Variants in TRPM6 observed in about 807,000 individuals in gnomAD.
TRPM6 encodes transient receptor potential cation channel subfamily M member 6.
TRPM6 carries 111 observed loss-of-function variants against 247.6 expected under a neutral mutation model. That is an observed-to-expected ratio of 0.45 (90% CI 0.38 to 0.52). The LOEUF is 0.52. TRPM6 is among the 20% of genes least tolerant of loss of function. The probability of loss-of-function intolerance (pLI) is 0.00; values close to 1 mark genes in which losing one functional copy is unlikely to be tolerated. For synonymous variants in TRPM6, 892 were observed against 853.8 expected, an observed-to-expected ratio of 1.04 and a Z score of -0.78; for missense variants, 2,126 against 2,421.5, an observed-to-expected ratio of 0.88 and a Z score of 2.56.
intron 32 of TRPM6, among the ~76,000 whole-genome samples, chr9:74,743,777 C>T (rs1307719438): frequency 6.6e-6 from 1 of 152,212 alleles, no homozygotes; most frequent in Non-Finnish European, 1.5e-5. Context: ...CAGTCCAAAA[C>T]ATTGAGATCT....
intron 2 of TRPM6, 152 bp from the exon 3 acceptor site, chr9:74,855,717 T>C: frequency 1.5e-6 from 1 of 668,890 alleles, no homozygotes; most frequent in Non-Finnish European, 2.7e-6. Flanking sequence ...CATTATGGCA[T>C]TTACCACATA....
At chr9:74,744,814 T>A (rs572320404) in intron 31 of TRPM6, among the ~76,000 whole-genome samples, 11 of 152,344 alleles carry the variant, frequency 7.2e-5, no homozygotes, top group Admixed American at 7.2e-4. Context: ...TTTGGTCTCA[T>A]GATGGCAACT....
At chr9:74,781,076 G>A (rs1827424129) in intron 23 of TRPM6, among the ~76,000 whole-genome samples, 1 of 152,076 alleles carries the variant, frequency 6.6e-6, no homozygotes, top group East Asian at 1.9e-4. Flanking sequence ...AACTGGGCTG[G>A]GGATATAAAT....
At chr9:74,737,549 AG>A in intron 36 of TRPM6, 1 of 663,582 alleles carries the variant, frequency 1.5e-6, no homozygotes, top group South Asian at 1.6e-5. Context: ...AAGAAATAAA[AG>A]AACAGTGAAA....
Position 74,858,726 on chromosome 9 carries a change from C to A in TRPM6, c.56G>T (p.Gly19Val). 2 of 1,613,402 alleles carry A rather than the reference C, an allele frequency of 1.2e-6. No individual in the cohort carries two copies. Among genetic ancestry groups the A allele is most frequent in the South Asian group, 2.2e-5 (2 of 91,034 alleles). ...GCTACATTCTCTCTTGTCAAATACT[C>A]CTTTAATCCAGGATTTCTGGGACTA... The part of the protein sequence containing the change: ...RLQSQKSWIK[G>V]VFDKRECSTI... The change falls in exon 2 of 39, where the codon GGA (glycine) becomes GTA (valine). Residue 19 changes from glycine to valine, a missense_variant. Around this residue, in one of 3 missense-constraint regions of TRPM6, gnomAD observed 1,082 missense variants for 1,307.9 expected, o/e 0.83. Transcript: ENST00000360774.
Position 74,840,075 on chromosome 9 carries a change from TA to T in TRPM6, c.492del (p.Ala166LeufsTer9), listed in dbSNP as rs1829879325. ...KFKEIFSQGL[V>X]KAAETTGAWI... ...CACGCTCCTGTTGTCTCTGCAGCTT[TA>T]ACCAAACCTTGGCTGAAAATCTCTT... On this transcript the variant is annotated frameshift_variant, in exon 5 of 39. Transcript: ENST00000360774. LOFTEE classifies it high-confidence loss of function. The T allele has an allele frequency of 6.2e-7, 1 of 1,614,042 alleles. No homozygotes were observed. Among genetic ancestry groups the T allele is most frequent in the African/African-American group, 1.3e-5 (1 of 74,924 alleles).
chr9:74,865,899 G>A (rs919246443), intron 1 of TRPM6, among the ~76,000 whole-genome samples: 15 of 152,264 alleles, frequency 9.9e-5, no homozygotes, highest in African/African-American at 3.6e-4. Context: ...AGCCCCCTGA[G>A]AATCTGGGAC....
chr9:74,813,694 G>C (rs926703989), intron 11 of TRPM6, among the ~76,000 whole-genome samples: 6 of 152,148 alleles, frequency 3.9e-5, no homozygotes, highest in African/African-American at 1.4e-4. Flanking sequence ...TAAACAAAAA[G>C]ACCAAAACAA....
At chr9:74,837,608 G>A (rs1013443645) in intron 5 of TRPM6, among the ~76,000 whole-genome samples, 42 of 151,820 alleles carry the variant, frequency 2.8e-4, no homozygotes, top group African/African-American at 8.9e-4. Flanking sequence ...CGCCACACTC[G>A]GCTAATTTTT....
At chr9:74,742,227 G>A (rs887721327) in intron 33 of TRPM6, among the ~76,000 whole-genome samples, 42 of 152,136 alleles carry the variant, frequency 2.8e-4, no homozygotes, top group Non-Finnish European at 5.0e-4. Context: ...GACATTTATC[G>A]CTTTCTCCTG....
chr9:74,830,461 T>C (rs1388513151), intron 6 of TRPM6, among the ~76,000 whole-genome samples: 1 of 152,086 alleles, frequency 6.6e-6, no homozygotes, highest in Non-Finnish European at 1.5e-5. Flanking sequence ...GTAGTGCCCA[T>C]CTGGGATCAC....
At chr9:74,777,289 T>C (rs983103808) in intron 23 of TRPM6, among the ~76,000 whole-genome samples, 1 of 151,964 alleles carries the variant, frequency 6.6e-6, no homozygotes, top group South Asian at 2.1e-4. Context: ...TTTTGGGGGT[T>C]GGTTGGTTGG....
chr9:74,779,178 G>GA (rs1230985502), intron 23 of TRPM6, among the ~76,000 whole-genome samples: 1 of 152,194 alleles, frequency 6.6e-6, no homozygotes, highest in African/African-American at 2.4e-5. Flanking sequence ...TCGGGAGGTT[G>GA]AGGTGGGAGG....
intron 1 of TRPM6, among the ~76,000 whole-genome samples, chr9:74,873,222 A>G (rs1831084899): frequency 6.6e-6 from 1 of 152,046 alleles, no homozygotes; most frequent in South Asian, 2.1e-4. Context: ...GCCAACTTAG[A>G]CATCATGCCT....
At chr9:74,856,276 T>C (rs73536123) in intron 2 of TRPM6, among the ~76,000 whole-genome samples, 5,033 of 152,016 alleles carry the variant, frequency 0.033, 303 homozygotes, top group African/African-American at 0.12. Flanking sequence ...TTGACTCTTA[T>C]AAAAATTCAA....
chr9:74,751,632 A>C (rs1252623682), intron 29 of TRPM6, among the ~76,000 whole-genome samples: 1 of 152,234 alleles, frequency 6.6e-6, no homozygotes, highest in Non-Finnish European at 1.5e-5. Flanking sequence ...GGCGGATGGC[A>C]CAAAACAAGG....
At chr9:74,750,223 T>C (rs1343663346) in intron 30 of TRPM6, among the ~76,000 whole-genome samples, 1 of 152,126 alleles carries the variant, frequency 6.6e-6, no homozygotes, top group African/African-American at 2.4e-5. Flanking sequence ...AAAAAAGATA[T>C]GCCTTATAAA....
chr9:74,880,036 C>T (rs972358585), intron 1 of TRPM6, among the ~76,000 whole-genome samples: 3 of 152,000 alleles, frequency 2.0e-5, no homozygotes, highest in Non-Finnish European at 4.4e-5. Flanking sequence ...TACCTGGCAT[C>T]CGCTGCTTGA....
At chr9:74,746,468 A>G (rs476673) in intron 31 of TRPM6, among the ~76,000 whole-genome samples, 106,880 of 151,918 alleles carry the variant, frequency 0.7, 38,575 homozygotes, top group African/African-American at 0.85. Flanking sequence ...CCACATGGAG[A>G]TGTTACTATG....
Sources: allele counts gnomAD v4.1 joint callset (sites outside exome capture counted in the v4.1 genomes callset), GRCh38; gene constraint gnomAD v4.1.1; regional missense constraint gnomAD v4.1.1; transcripts MANE v1.5; gene names NCBI Gene and HGNC (gene_info 2026-07-23, HGNC 2026-07-21).